PRCC: variants seen among roughly 807,000 people sequenced by gnomAD.
The protein encoded by PRCC is proline rich mitotic checkpoint control factor, also known as proline-rich protein PRCC.
PRCC carries 10 observed loss-of-function variants against 44.0 expected under a neutral mutation model. The observed-to-expected ratio is 0.23, with a 90% CI of 0.14 to 0.39. The LOEUF (loss-of-function observed/expected upper bound fraction) is 0.39, where lower values mean the gene tolerates loss of function less well. PRCC is among the 10% of genes least tolerant of loss of function. The pLI, the probability that PRCC is intolerant of heterozygous loss-of-function variation, is 1.00. For missense variants in PRCC, 573 were observed against 624.7 expected (o/e 0.92, Z 0.88); for synonymous variants, 278 against 259.5 (o/e 1.07, Z -0.69).
At chr1:156,798,226 C>CGA (rs1652727673) in intron 6 of PRCC, among the ~76,000 whole-genome samples, 1 of 152,150 alleles carries the variant, frequency 6.6e-6, no homozygotes, top group Non-Finnish European at 1.5e-5. Flanking sequence ...GAATCCTTAC[C>CGA]GATAACACAT....
In PRCC at chr1:156,795,285, G is replaced by GTTTTTTTTT. The variant is rs35911411; in HGVS notation, c.1323+493_1323+501dup. 1.3e-3 allele frequency among the ~76,000 whole-genome samples: 46 copies of GTTTTTTTTT among 36,064 alleles called. 11 individuals carry two copies. The highest frequency in any genetic ancestry group is 1.7e-3 in the African/African-American group (12 of 7,176). The allele number at this position is 36,064 out of a possible 152,430, so 23.7% of individuals were successfully genotyped here. ...CTTCCAATTGTTTTCATTTTCTGGT[G>GTTTTTTTTT]TTTTTTTTTTTTTTTTTTTTTTTTC... is the stretch of plus-strand genomic sequence containing the variant. On this transcript the variant is annotated intron_variant, in intron 5 of 6. Coordinates refer to ENST00000271526, the MANE Select transcript of PRCC (RefSeq NM_005973.5).
chr1:156,778,934 G>A (rs1434698568), intron 1 of PRCC, among the ~76,000 whole-genome samples: 5 of 150,488 alleles, frequency 3.3e-5, no homozygotes, highest in Non-Finnish European at 5.9e-5. Context: ...CGAGTAGCTG[G>A]GATTATAGGC....
rs201242997 is a variant in PRCC, at chr1:156,782,346, A to G, written c.516+17A>G. The G allele has an allele frequency of 7.5e-5, 120 of 1,590,544 alleles. 3 individuals are homozygous for G. The East Asian group carries it at 2.7e-3, about 36-fold the overall frequency. On this transcript the variant is annotated intron_variant, in intron 2 of 6. Coordinates refer to ENST00000271526, the MANE Select transcript of PRCC (RefSeq NM_005973.5). Reference sequence around the variant, plus strand: ...ATCCTTCAGGTAAGCATTGTGATATAAACCATTTTTTTTCTCTTCCTGTAT... The same window carrying G: ...ATCCTTCAGGTAAGCATTGTGATATGAACCATTTTTTTTCTCTTCCTGTAT...
intron 1 of PRCC, among the ~76,000 whole-genome samples, chr1:156,770,886 T>C (rs1651609131): frequency 1.3e-5 from 2 of 152,270 alleles, no homozygotes; most frequent in South Asian, 4.1e-4. Flanking sequence ...TTGAGCTCTT[T>C]CTTTGTACCT....
At chr1:156,791,314 C>T (rs956753389) in intron 3 of PRCC, 2 of 544,320 alleles carry the variant, frequency 3.7e-6, no homozygotes, top group Admixed American at 2.6e-5. Flanking sequence ...CTGCTCGCAT[C>T]GTAGCTCATT....
At chr1:156,800,280 G>A in intron 6 of PRCC, 94 bp from the exon 7 acceptor site, 1 of 1,223,280 alleles carries the variant, frequency 8.2e-7, no homozygotes. Flanking sequence ...TTTGATAGGA[G>A]AAAGATTTTA....
chr1:156,776,879 G>A (rs181650466), intron 1 of PRCC, among the ~76,000 whole-genome samples: 48 of 152,156 alleles, frequency 3.2e-4, no homozygotes, highest in Non-Finnish European at 5.1e-4. Flanking sequence ...GAGAGATGGT[G>A]AGGAGTCTGT....
chr1:156,798,639 G>A (rs186998760), intron 6 of PRCC, among the ~76,000 whole-genome samples: 8 of 152,054 alleles, frequency 5.3e-5, no homozygotes, highest in East Asian at 1.9e-4. Context: ...GGCGGATCAC[G>A]AGGTCAGGAA....
chr1:156,786,694 C>T lies in PRCC; in HGVS notation c.603C>T (p.Pro201=), dbSNP rs1189534092. Residue 201 remains proline, a synonymous_variant, in exon 3 of 7, where the codon CCC becomes CCT. Coordinates refer to ENST00000271526, the MANE Select transcript of PRCC (RefSeq NM_005973.5). ...TVKETNRLLL[P]HAFSRKPSDG... ...AAGAGACTAACAGGTTGCTCCTGCC[C>T]CATGCCTTCTCCCGCAAACCCTCGG... 1.2e-6 allele frequency: 2 copies of T among 1,614,046 alleles called. No homozygotes were observed. The highest frequency in any genetic ancestry group is 3.3e-5 in the Admixed American group (2 of 59,980).
At chr1:156,791,491 A>G in intron 3 of PRCC, 1 of 581,244 alleles carries the variant, frequency 1.7e-6, no homozygotes, top group Non-Finnish European at 3.1e-6. Flanking sequence ...TGGATAGTGT[A>G]GATGAGAAAA....
chr1:156,770,653 G>A (rs1021171176), intron 1 of PRCC, among the ~76,000 whole-genome samples: 3 of 152,216 alleles, frequency 2.0e-5, no homozygotes, highest in Non-Finnish European at 2.9e-5. Context: ...GGGATTACAG[G>A]TGTGAGCCAC....
intron 1 of PRCC, among the ~76,000 whole-genome samples, chr1:156,770,969 A>C (rs1651612461): frequency 6.6e-6 from 1 of 152,218 alleles, no homozygotes; most frequent in Admixed American, 6.5e-5. Flanking sequence ...TGGAGAAAAC[A>C]CAGAAGGAAA....
intron 1 of PRCC, 43 bp downstream of exon 1, chr1:156,768,282 T>TG: frequency 6.6e-7 from 1 of 1,524,618 alleles, no homozygotes; most frequent in East Asian, 2.4e-5. Context: ...CCATCGGGTT[T>TG]GAGTCGGCTG....
chr1:156,779,122 ATATATATTTTTTTTTTTTTTT>A (rs1433929031), intron 1 of PRCC, among the ~76,000 whole-genome samples: 9 of 19,726 alleles, frequency 4.6e-4, no homozygotes, highest in Admixed American at 1.4e-3. Context: ...ATATATATAT[ATATATATTTTTTTTTTTTTTT>A]TTTTTTTTTT....
At position 156,768,203 on chromosome 1, in the gene PRCC, C is replaced by T. The variant is rs1464945311; in HGVS notation, c.432C>T (p.Pro144=). The T allele has an allele frequency of 4.5e-5, 69 of 1,546,836 alleles. No individual in the cohort carries two copies. The highest frequency in any genetic ancestry group is 5.8e-5 in the Non-Finnish European group (67 of 1,147,450). ...GLPKPKKRKE[P]VKIAAPELHK... ...CCAAGCCAAAGAAGAGGAAAGAGCC[C>T]GTGAAGATCGCGGCGCCGGAGTTGC... Residue 144 remains proline, a synonymous_variant, in exon 1 of 7, where the codon CCC becomes CCT. Transcript: ENST00000271526.
At chr1:156,781,893 G>A (rs1181417743) in intron 1 of PRCC, among the ~76,000 whole-genome samples, 2 of 152,204 alleles carry the variant, frequency 1.3e-5, no homozygotes, top group Non-Finnish European at 1.5e-5. Flanking sequence ...GAGGTTGTGG[G>A]CCAATTCCCA....
Position 156,786,830 on chromosome 1 carries a change from G to C in PRCC, c.739G>C (p.Ala247Pro). The C allele has an allele frequency of 6.2e-7, 1 of 1,614,216 alleles. No individual in the cohort carries two copies. The highest frequency in any genetic ancestry group is 8.5e-7 in the Non-Finnish European group (1 of 1,180,034). The change falls in exon 3 of 7, where the codon GCT (alanine) becomes CCT (proline). Residue 247 changes from alanine to proline, a missense_variant. By Grantham distance (27) the Ala-to-Pro change is conservative. This residue lies in a region of PRCC where 118 missense variants were observed against 166.7 expected (regional missense o/e 0.71). Transcript: ENST00000271526. Reference sequence around the variant, plus strand: ...CACTCCGTCGCCCTCTGCTATCAAGGCTGCTGCCAAGAGTGCTGCCCTGCA... The same window carrying C: ...CACTCCGTCGCCCTCTGCTATCAAGCCTGCTGCCAAGAGTGCTGCCCTGCA... ...TTTPSPSAIK[A>P]AAKSAALQVT...
intron 2 of PRCC, among the ~76,000 whole-genome samples, chr1:156,783,617 G>A (rs1442180718): frequency 6.6e-6 from 1 of 151,944 alleles, no homozygotes; most frequent in African/African-American, 2.4e-5. Flanking sequence ...GTGGTGACAG[G>A]TGCCTATAGT....
At chr1:156,774,415 C>T (rs1489703883) in intron 1 of PRCC, among the ~76,000 whole-genome samples, 9 of 151,542 alleles carry the variant, frequency 5.9e-5, no homozygotes, top group Admixed American at 2.6e-4. Context: ...CCTCGTGATC[C>T]GCCCGTCTCG....
Sources: gnomAD v4.1 joint callset for allele counts (sites outside exome capture counted in the v4.1 genomes callset) on GRCh38, gnomAD v4.1.1 for gene constraint, gnomAD v4.1.1 regional missense constraint, MANE v1.5 for transcripts, NCBI Gene and HGNC (gene_info 2026-07-23, HGNC 2026-07-21) for gene names.